Variants in SART3 observed in about 807,000 individuals in gnomAD.
SART3 encodes the protein spliceosome associated factor 3, U4/U6 recycling protein.
Under a neutral mutation model 122.3 loss-of-function variants are expected in SART3, and 44 were observed. The observed-to-expected ratio is 0.36, with a 90% confidence interval of 0.28 to 0.46. The LOEUF is 0.46. SART3 is among the 20% of genes least tolerant of loss of function. The probability of loss-of-function intolerance (pLI) is 1.00; values close to 1 mark genes in which losing one functional copy is unlikely to be tolerated. For synonymous variants in SART3, 442 were observed against 454.0 expected (o/e 0.97, Z 0.34); for missense variants, 1,101 against 1,229.0 (o/e 0.90, Z 1.56).
At chr12:108,541,733 T>A (rs1873172295) in intron 6 of SART3, among the ~76,000 whole-genome samples, 1 of 151,866 alleles carries the variant, frequency 6.6e-6, no homozygotes, top group African/African-American at 2.4e-5. Flanking sequence ...AGAGACGGGG[T>A]TTCACTATGT....
rs1189551659 is a variant in SART3 at position 108,547,970 on chromosome 12, T to C, written c.461A>G (p.His154Arg). 2 of 1,613,508 alleles carry C rather than the reference T, an allele frequency of 1.2e-6. No homozygotes were observed. Among genetic ancestry groups the C allele is most frequent in the South Asian group, 2.2e-5 (2 of 91,090 alleles). Residue 154 changes from histidine to arginine, a missense_variant, in exon 3 of 19, where the codon CAT (histidine) becomes CGT (arginine). Physicochemically the swap from His to Arg is conservative, Grantham distance 29 (BLOSUM62 0). Around this residue, in one of 2 missense-constraint regions of SART3, gnomAD observed 885 missense variants for 1,080.1 expected, o/e 0.82. Coordinates refer to ENST00000546815, the MANE Select transcript of SART3 (RefSeq NM_014706.4). Reference protein sequence around the residue: ...LTEELWLEWLHDEISMAQDGL... With the variant: ...LTEELWLEWLRDEISMAQDGL... The stretch of plus-strand genomic sequence containing the variant: ...ATCCTGGGCCATGCTGATCTCGTCA[T>C]GCAGCCACTCCAGCCAGAGCTCTAC...
intron 9 of SART3, 69 bp from the exon 10 acceptor site, chr12:108,536,854 T>C (rs890746537): frequency 4.9e-6 from 7 of 1,419,972 alleles, no homozygotes; most frequent in African/African-American, 2.8e-5. Flanking sequence ...TTTTATCCTA[T>C]GCTGAAACTG....
In SART3 at chr12:108,522,767, G is replaced by A. The variant is rs1648256504; in HGVS notation, c.*690C>T. On this transcript the variant is annotated 3_prime_UTR_variant, in exon 19 of 19. Coordinates refer to ENST00000546815, the MANE Select transcript of SART3 (RefSeq NM_014706.4). Reference sequence around the variant, plus strand: ...GACATGGTATTAAACAAAACCAAAGGGCTGAAACTCATGTTTAGACAACAC... The same window carrying A: ...GACATGGTATTAAACAAAACCAAAGAGCTGAAACTCATGTTTAGACAACAC... 6.5e-6 allele frequency: 1 copy of A among 152,898 alleles called. No individual in the cohort carries two copies. The highest frequency in any genetic ancestry group is 6.5e-5 in the Admixed American group (1 of 15,436). 9.5% of individuals were successfully genotyped at this position (152,898 alleles called of 1,614,324 possible). A position where few individuals can be genotyped will look rare whatever the true frequency, so the allele number is the denominator to read the frequency against.
At chr12:108,559,481 C>G (rs145106092) in intron 1 of SART3, among the ~76,000 whole-genome samples, 83 of 152,196 alleles carry the variant, frequency 5.5e-4, no homozygotes, top group African/African-American at 1.9e-3. Context: ...GCCTGACCAA[C>G]ATGGTGAAAC....
At chr12:108,537,316 C>T in intron 9 of SART3, 172 bp downstream of exon 9, 1 of 634,448 alleles carries the variant, frequency 1.6e-6, no homozygotes, top group Non-Finnish European at 2.9e-6. Context: ...TTACAATCCA[C>T]ATCATGACTT....
intron 14 of SART3, among the ~76,000 whole-genome samples, chr12:108,530,583 G>T (rs1207668475): frequency 6.6e-6 from 1 of 152,094 alleles, no homozygotes; most frequent in African/African-American, 2.4e-5. Context: ...CTGGCCGGGC[G>T]CGGTGGCTCA....
At chr12:108,537,931 A>T in intron 8 of SART3, 134 bp downstream of exon 8, 1 of 1,071,690 alleles carries the variant, frequency 9.3e-7, no homozygotes, top group Non-Finnish European at 1.4e-6. Flanking sequence ...TCTCTCACTC[A>T]GAGCCCTTTT....
At chr12:108,537,107 G>C in intron 9 of SART3, 1 of 447,362 alleles carries the variant, frequency 2.2e-6, no homozygotes, top group Non-Finnish European at 4.1e-6. Flanking sequence ...GAGTGTGCAA[G>C]TACAAGTTAG....
At chr12:108,553,492 T>C (rs1056391771) in intron 1 of SART3, among the ~76,000 whole-genome samples, 2 of 152,250 alleles carry the variant, frequency 1.3e-5, no homozygotes, top group African/African-American at 4.8e-5. Context: ...AATTTAAGTC[T>C]GTACACCAAG....
At position 108,524,517 on chromosome 12, in the gene SART3, C is replaced by G. The variant is rs1372522448; in HGVS notation, c.2524-11G>C. On this transcript the variant is annotated splice_polypyrimidine_tract_variant and intron_variant, in intron 17 of 18. Transcript: ENST00000546815. ...CACGTAGGCCAGGCCCTGGAAGAGG[C>G]AAGATCCAGAACCAAGTCAGATCCC... The G allele has an allele frequency of 1.2e-6, 2 of 1,613,776 alleles. No individual in the cohort carries two copies.
chr12:108,543,775 T>G (rs557650755), intron 5 of SART3, among the ~76,000 whole-genome samples: 1 of 152,232 alleles, frequency 6.6e-6, no homozygotes, highest in Admixed American at 6.5e-5. Context: ...GTTCTGAGTA[T>G]GTACAACACA....
intron 6 of SART3, among the ~76,000 whole-genome samples, chr12:108,541,736 C>T (rs1873172494): frequency 6.6e-6 from 1 of 152,000 alleles, no homozygotes; most frequent in Non-Finnish European, 1.5e-5. Context: ...GACGGGGTTT[C>T]ACTATGTTGG....
At chr12:108,554,036 T>G (rs923203197) in intron 1 of SART3, 1 of 152,246 alleles carries the variant, frequency 6.6e-6, no homozygotes, top group African/African-American at 2.4e-5. Flanking sequence ...GCTAGGCACC[T>G]GCTGCTCCTT....
chr12:108,540,195 C>T (rs988562512), intron 6 of SART3, among the ~76,000 whole-genome samples: 11 of 152,192 alleles, frequency 7.2e-5, no homozygotes, highest in African/African-American at 2.4e-4. Flanking sequence ...TCTGAAGAAG[C>T]AAGATTTATA....
chr12:108,525,410 G>A lies in SART3; in HGVS notation c.2523+47C>T, dbSNP rs372785331. The A allele has an allele frequency of 1.7e-5, 28 of 1,610,818 alleles. No homozygotes were observed. In the African/African-American group the frequency reaches 2.7e-4, roughly 15 times the overall value. On this transcript the variant is annotated intron_variant, in intron 17 of 18. Coordinates refer to ENST00000546815, the MANE Select transcript of SART3 (RefSeq NM_014706.4). ...ATCTTTGAACCGATACAGAAACGAAGTTTGCCCAAGCCTTGAAGACAAGGC... is the reference window on the plus strand; with the variant it reads ...ATCTTTGAACCGATACAGAAACGAAATTTGCCCAAGCCTTGAAGACAAGGC...
intron 8 of SART3, 63 bp from the exon 9 acceptor site, chr12:108,537,658 ACATT>A: frequency 8.4e-7 from 1 of 1,189,538 alleles, no homozygotes; most frequent in Non-Finnish European, 1.3e-6. Context: ...GAAAGTCACT[ACATT>A]CTACTGACTA....
At chr12:108,552,542 C>A (rs199924121) in intron 1 of SART3, among the ~76,000 whole-genome samples, 175 of 130,750 alleles carry the variant, frequency 1.3e-3, no homozygotes, top group South Asian at 0.012. Flanking sequence ...CATACAAAAA[C>A]AAAAAAAAAA....
At chr12:108,524,000 A>G (rs1054092658) in intron 18 of SART3, 7 of 540,558 alleles carry the variant, frequency 1.3e-5, no homozygotes, top group Non-Finnish European at 2.0e-5. Flanking sequence ...TGGCACACAC[A>G]TGGGTATGAG....
intron 12 of SART3, among the ~76,000 whole-genome samples, chr12:108,535,006 T>C (rs1872840841): frequency 6.6e-6 from 1 of 152,366 alleles, no homozygotes; most frequent in Non-Finnish European, 1.5e-5. Context: ...TGGTTATGAC[T>C]GGGTCAGTAA....
Sources: gnomAD v4.1 joint callset for allele counts (sites outside exome capture counted in the v4.1 genomes callset) on GRCh38, gnomAD v4.1.1 for gene constraint, gnomAD v4.1.1 regional missense constraint, MANE v1.5 for transcripts, NCBI Gene and HGNC (gene_info 2026-07-23, HGNC 2026-07-21) for gene names.